GIGYF2: variants seen among roughly 807,000 people sequenced by gnomAD.
The protein encoded by GIGYF2 is GRB10 interacting GYF protein 2.
In GIGYF2, 25 loss-of-function variants were observed where a neutral mutation model predicts 208.1. That is an observed-to-expected ratio of 0.12 (90% CI 0.09 to 0.17). GIGYF2 has a LOEUF of 0.17. Among genes scored for constraint, GIGYF2 ranks in the 10% least tolerant of loss-of-function variants. GIGYF2 has a pLI of 1.00. For synonymous variants in GIGYF2, 534 were observed against 543.8 expected (o/e 0.98, Z 0.25); for missense variants, 1,302 against 1,579.4 (o/e 0.82, Z 2.98).
chr2:232,857,880 G>A lies in GIGYF2; in HGVS notation c.*1020G>A, dbSNP rs1413031655. The stretch of plus-strand genomic sequence containing the variant: ...GTGTGTCTTGCTGTAGCCCGGAAAA[G>A]GTTTTGTGTAAAGATTCTGGGATGG... On this transcript the variant is annotated 3_prime_UTR_variant, in exon 29 of 29. Transcript: ENST00000373563. The A allele has an allele frequency of 6.6e-6, 1 of 152,610 alleles. No individual in the cohort carries two copies. Among genetic ancestry groups the A allele is most frequent in the Non-Finnish European group, 1.5e-5 (1 of 68,090 alleles). The allele number at this position is 152,610 out of a possible 1,614,324, so 9.5% of individuals were successfully genotyped here.
chr2:232,738,972 CT>C (rs1238915691), intron 3 of GIGYF2, among the ~76,000 whole-genome samples: 2 of 152,056 alleles, frequency 1.3e-5, no homozygotes, highest in African/African-American at 4.8e-5. Flanking sequence ...AGATTTAGGT[CT>C]TTTAGAGTTT....
intron 9 of GIGYF2, chr2:232,788,406 A>G: frequency 3.6e-6 from 1 of 279,242 alleles, no homozygotes; most frequent in South Asian, 3.8e-5. Flanking sequence ...GGTCTAGACA[A>G]TTTTCATTAG....
chr2:232,760,771 C>T (rs1387383026), intron 7 of GIGYF2, 180 bp downstream of exon 7: 10 of 561,410 alleles, frequency 1.8e-5, no homozygotes, highest in South Asian at 6.4e-5. Context: ...TAAAGGAAGA[C>T]GGATTCTAGA....
chr2:232,811,226 T>C lies in GIGYF2; in HGVS notation c.1899-18T>C, dbSNP rs369057033. On this transcript the variant is annotated intron_variant, in intron 16 of 28. Transcript: ENST00000373563. ...AGTGTGGATTGACAGGTTATACTTT[T>C]TTTTTTACTTTTTGAAGACAACAAT... 1 of 1,407,838 alleles carries C rather than the reference T, an allele frequency of 7.1e-7. No homozygotes were observed. Among genetic ancestry groups the C allele is most frequent in the Non-Finnish European group, 1.0e-6 (1 of 992,190 alleles). 87.2% of individuals were successfully genotyped at this position (1,407,838 alleles called of 1,614,324 possible). A position where few individuals can be genotyped will look rare whatever the true frequency, so the allele number is the denominator to read the frequency against.
At chr2:232,755,912 C>G (rs537665599) in intron 5 of GIGYF2, among the ~76,000 whole-genome samples, 2 of 152,248 alleles carry the variant, frequency 1.3e-5, no homozygotes, top group South Asian at 4.1e-4. Flanking sequence ...ATGTATTTTC[C>G]CTATCTACTT....
intron 21 of GIGYF2, among the ~76,000 whole-genome samples, chr2:232,829,962 C>CATTCATTT (rs1277574612): frequency 2.7e-4 from 41 of 152,018 alleles, no homozygotes; most frequent in African/African-American, 8.9e-4. Context: ...TTCATTCATT[C>CATTCATTT]GTTTGTTTGT....
intron 27 of GIGYF2, among the ~76,000 whole-genome samples, chr2:232,849,613 A>G (rs76447861): frequency 3.3e-5 from 5 of 152,282 alleles, no homozygotes; most frequent in East Asian, 1.9e-4. Flanking sequence ...ACATGCTCAC[A>G]CCAGGCTTGT....
chr2:232,811,168 C>CT, intron 16 of GIGYF2, 76 bp from the exon 17 acceptor site: 1 of 792,124 alleles, frequency 1.3e-6, no homozygotes, highest in South Asian at 1.4e-5. Flanking sequence ...TTGAATTGAA[C>CT]TTTGTCTTTC....
chr2:232,794,297 A>G (rs1700157123), intron 12 of GIGYF2, among the ~76,000 whole-genome samples: 2 of 152,218 alleles, frequency 1.3e-5, no homozygotes, highest in Non-Finnish European at 2.9e-5. Context: ...AATATATTGA[A>G]TTATATTAAT....
chr2:232,845,767 AAGT>A lies in GIGYF2; in HGVS notation c.3344_3346del (p.Val1115del). 1 of 1,607,966 alleles carries A rather than the reference AAGT, an allele frequency of 6.2e-7. No homozygotes were observed. On this transcript the variant is annotated inframe_deletion, in exon 26 of 29. Coordinates refer to ENST00000373563, the MANE Select transcript of GIGYF2 (RefSeq NM_001103146.3). Reference sequence around the variant, plus strand: ...GGTGTGTCTAACCGGCAGAATAAGAAAGTAGAAGAAGAAGAAAAGTTGCTGAAG... The same window carrying A: ...GGTGTGTCTAACCGGCAGAATAAGAAAGAAGAAGAAGAAAAGTTGCTGAAG...
At chr2:232,755,225 C>A (rs993014257) in intron 5 of GIGYF2, among the ~76,000 whole-genome samples, 1 of 152,176 alleles carries the variant, frequency 6.6e-6, no homozygotes, top group African/African-American at 2.4e-5. Flanking sequence ...GGCTAGAGTG[C>A]AGTGGCATGA....
chr2:232,808,277 C>T (rs1424172547), intron 15 of GIGYF2, among the ~76,000 whole-genome samples: 3 of 152,196 alleles, frequency 2.0e-5, no homozygotes, highest in African/African-American at 4.8e-5. Flanking sequence ...TATTTCCCTT[C>T]TCTGAAATTA....
At chr2:232,782,108 T>C (rs994446998) in intron 8 of GIGYF2, among the ~76,000 whole-genome samples, 10 of 152,226 alleles carry the variant, frequency 6.6e-5, no homozygotes, top group African/African-American at 2.2e-4. Context: ...TGTCTCTAAT[T>C]GTGTTTGTCA....
At chr2:232,810,984 C>T in intron 16 of GIGYF2, 6 of 403,066 alleles carry the variant, frequency 1.5e-5, no homozygotes, top group South Asian at 5.3e-5. Flanking sequence ...CTGAATAGAC[C>T]ACTTTGCACT....
chr2:232,847,403 T>A lies in GIGYF2; in HGVS notation c.3516T>A (p.Asp1172Glu). ...TAGAATCTCCTTATGAGGTCCATGA[T>A]TATATCAGGGCCTATTTAGGAGATA... ...KEVESPYEVH[D>E]YIRAYLGDTS... The change falls in exon 27 of 29, where the codon GAT becomes GAA. Residue 1172 changes from aspartate (D) to glutamate (E), a missense_variant. This residue lies in a region of GIGYF2 where 701 missense variants were observed against 793.0 expected (regional missense o/e 0.88). Transcript: ENST00000373563. The A allele has an allele frequency of 6.2e-7, 1 of 1,613,112 alleles. No individual in the cohort carries two copies. The highest frequency in any genetic ancestry group is 1.1e-5 in the South Asian group (1 of 91,068).
At chr2:232,784,885 A>G (rs1215959830) in intron 8 of GIGYF2, among the ~76,000 whole-genome samples, 4 of 152,070 alleles carry the variant, frequency 2.6e-5, no homozygotes, top group East Asian at 1.9e-4. Context: ...TGGATCCCTC[A>G]TCCCCTCCCC....
intron 14 of GIGYF2, among the ~76,000 whole-genome samples, chr2:232,800,079 T>C (rs1401011188): frequency 6.6e-6 from 1 of 152,152 alleles, no homozygotes; most frequent in Non-Finnish European, 1.5e-5. Context: ...TTGGGTTGCC[T>C]TTTTACTCTG....
chr2:232,812,353 T>C, intron 17 of GIGYF2, 38 bp from the exon 18 acceptor site: 1 of 853,410 alleles, frequency 1.2e-6, no homozygotes, highest in Non-Finnish European at 2.0e-6. Flanking sequence ...TTCCTGCAAA[T>C]GACAAGAACA....
At chr2:232,854,649 A>T (rs1690483516) in intron 28 of GIGYF2, among the ~76,000 whole-genome samples, 1 of 152,142 alleles carries the variant, frequency 6.6e-6, no homozygotes. Context: ...TGGTCTTGTA[A>T]GCAGTTGGTA....
Sources: allele counts gnomAD v4.1 joint callset (sites outside exome capture counted in the v4.1 genomes callset), GRCh38; gene constraint gnomAD v4.1.1; regional missense constraint gnomAD v4.1.1; transcripts MANE v1.5; gene names NCBI Gene and HGNC (gene_info 2026-07-23, HGNC 2026-07-21).